The following TBC1D19 variants were observed in gnomAD, a reference collection of about 807,000 sequenced individuals.
TBC1D19 encodes the protein TBC1 domain family, member 19.
TBC1D19 carries 60 observed loss-of-function variants against 89.0 expected under a neutral mutation model. The ratio of observed to expected loss-of-function variants is 0.67; its 90% confidence interval spans 0.55 to 0.84. TBC1D19 has a LOEUF of 0.84. TBC1D19 is among the 40% of genes least tolerant of loss of function. The pLI is 0.00. For synonymous variants in TBC1D19, 189 were observed against 199.7 expected, an observed-to-expected ratio of 0.95 and a Z score of 0.45; for missense variants, 500 against 610.8, an observed-to-expected ratio of 0.82 and a Z score of 1.91.
At chr4:26,592,101 C>G (rs1033891702) in intron 1 of TBC1D19, among the ~76,000 whole-genome samples, 2 of 152,168 alleles carry the variant, frequency 1.3e-5, no homozygotes, top group Non-Finnish European at 2.9e-5. Flanking sequence ...AAAATACTGG[C>G]AAACCGAATC....
intron 1 of TBC1D19, among the ~76,000 whole-genome samples, chr4:26,596,445 A>C (rs1452065219): frequency 2.0e-5 from 3 of 149,170 alleles, no homozygotes; most frequent in African/African-American, 7.5e-5. Context: ...CATTTCTGAT[A>C]ATGGTAACTC....
intron 4 of TBC1D19, 63 bp downstream of exon 4, chr4:26,620,751 A>T (rs1560422799): frequency 7.1e-7 from 1 of 1,412,554 alleles, no homozygotes; most frequent in East Asian, 2.3e-5. Flanking sequence ...AGAGCAAAAG[A>T]TCATTACTGA....
chr4:26,596,634 G>C (rs1387203978), intron 1 of TBC1D19, among the ~76,000 whole-genome samples: 1 of 126,968 alleles, frequency 7.9e-6, no homozygotes, highest in African/African-American at 2.7e-5. Flanking sequence ...TTTTTTTTGA[G>C]ATTGATTTGC....
chr4:26,817,838 C>T, the TBC1D19 span, among the ~76,000 whole-genome samples: 5 of 151,574 alleles, frequency 3.3e-5, no homozygotes, highest in South Asian at 8.3e-4. Flanking sequence ...CGTGGTGGTG[C>T]GTGCCTATAA....
rs539583107 is a variant in TBC1D19, at chr4:26,611,460, T to TA, written c.100-1709_100-1708insA. ...ATAGCTCAACATGTTCCTCTGCCCTTTGTATGTCTTATAAGTTGACAGGTG... is the reference window on the plus strand; with the variant it reads ...ATAGCTCAACATGTTCCTCTGCCCTTATGTATGTCTTATAAGTTGACAGGTG... On this transcript the variant is annotated intron_variant, in intron 1 of 20. Transcript: ENST00000264866. Among the ~76,000 whole-genome samples, 387 of 152,218 alleles carry TA rather than the reference T, an allele frequency of 2.5e-3. 4 individuals are homozygous for TA. Among genetic ancestry groups the TA allele is most frequent in the African/African-American group, 9.1e-3 (377 of 41,548 alleles).
intron 20 of TBC1D19, 97 bp downstream of exon 20, chr4:26,753,987 T>C: frequency 2.3e-6 from 3 of 1,327,076 alleles, no homozygotes; most frequent in Non-Finnish European, 3.2e-6. Flanking sequence ...GCGTTACTTG[T>C]AGCCAGGTTT....
At chr4:26,635,484 A>G (rs182233871) in intron 4 of TBC1D19, among the ~76,000 whole-genome samples, 1 of 152,236 alleles carries the variant, frequency 6.6e-6, no homozygotes, top group Admixed American at 6.5e-5. Context: ...TTTGGGAGCT[A>G]TTTCATGTAA....
chr4:26,590,794 C>CCGTTTTTTTTTTT (rs1560400025), intron 1 of TBC1D19, among the ~76,000 whole-genome samples: 1 of 31,794 alleles, frequency 3.1e-5, no homozygotes, highest in East Asian at 1.3e-3. Context: ...TCTTGCAGGT[C>CCGTTTTTTTTTTT]TGTTTTTTTT....
chr4:26,853,359 A>C, the TBC1D19 span, among the ~76,000 whole-genome samples: 30 of 152,022 alleles, frequency 2.0e-4, no homozygotes, highest in Non-Finnish European at 5.9e-5. Context: ...CCCACTTAGC[A>C]CTTATCATTA....
chr4:26,690,817 A>T (rs1034375336), intron 13 of TBC1D19, among the ~76,000 whole-genome samples: 4 of 152,226 alleles, frequency 2.6e-5, no homozygotes, highest in Admixed American at 6.5e-5. Flanking sequence ...ACCTAGTAAC[A>T]CGACATCCAT....
chr4:26,701,038 T>C (rs1391473143), intron 13 of TBC1D19, among the ~76,000 whole-genome samples: 1 of 152,200 alleles, frequency 6.6e-6, no homozygotes, highest in Non-Finnish European at 1.5e-5. Context: ...TCTGGCATTC[T>C]ATATTCCAGC....
chr4:26,609,819 T>C (rs1741248927), intron 1 of TBC1D19, among the ~76,000 whole-genome samples: 1 of 152,096 alleles, frequency 6.6e-6, no homozygotes, highest in African/African-American at 2.4e-5. Context: ...TCGATAATCA[T>C]TTATTGAGCA....
intron 15 of TBC1D19, among the ~76,000 whole-genome samples, chr4:26,732,239 T>G (rs996810921): frequency 6.6e-6 from 1 of 152,156 alleles, no homozygotes; most frequent in Non-Finnish European, 1.5e-5. Context: ...TTGCCCTCAG[T>G]AAAGGTAACC....
chr4:26,718,070 G>T (rs543172609), intron 14 of TBC1D19, 53 bp downstream of exon 14: 1 of 1,378,612 alleles, frequency 7.3e-7, no homozygotes. Context: ...ATCATGCCAA[G>T]AATATTTGTT....
At chr4:26,649,704 G>A (rs1044118311) in intron 7 of TBC1D19, among the ~76,000 whole-genome samples, 2 of 151,104 alleles carry the variant, frequency 1.3e-5, no homozygotes, top group Non-Finnish European at 3.0e-5. Context: ...ATATCTCAAC[G>A]TTCTAACTTT....
intron 11 of TBC1D19, among the ~76,000 whole-genome samples, chr4:26,678,582 G>A (rs550705076): frequency 6.6e-6 from 1 of 151,846 alleles, no homozygotes; most frequent in Non-Finnish European, 1.5e-5. Context: ...GGAAAAATGT[G>A]GAGAATCTGC....
chr4:26,581,245 A>G (rs1739057310), upstream of TBC1D19, among the ~76,000 whole-genome samples: 1 of 152,198 alleles, frequency 6.6e-6, no homozygotes, highest in Non-Finnish European at 1.5e-5. Context: ...TCTGGGATAC[A>G]TGTGCAGAAC....
chr4:26,779,438 G>A, the TBC1D19 span, among the ~76,000 whole-genome samples: 5 of 152,208 alleles, frequency 3.3e-5, no homozygotes, highest in Non-Finnish European at 7.3e-5. Flanking sequence ...GCTGCTTGCA[G>A]CCCCAAGGCA....
intron 13 of TBC1D19, among the ~76,000 whole-genome samples, chr4:26,717,382 A>AT (rs1290723356): frequency 6.6e-6 from 1 of 151,642 alleles, no homozygotes; most frequent in East Asian, 1.9e-4. Flanking sequence ...TACTGTGCCT[A>AT]TTTTCATCTC....
Sources: gnomAD v4.1 joint callset for allele counts (sites outside exome capture counted in the v4.1 genomes callset) on GRCh38, gnomAD v4.1.1 for gene constraint, MANE v1.5 for transcripts, NCBI Gene and HGNC (gene_info 2026-07-23, HGNC 2026-07-21) for gene names.